The following CARNMT1 variants were observed in gnomAD, a reference collection of about 807,000 sequenced individuals.
CARNMT1 encodes the protein protein-L-histidine N-pros-methyltransferase CARNMT1.
A neutral mutation model predicts 49.6 loss-of-function variants in CARNMT1; 28 were observed. That is an observed-to-expected ratio of 0.56 (90% CI 0.42 to 0.77). The LOEUF is 0.77. Among genes scored for constraint, CARNMT1 ranks in the 30% least tolerant of loss-of-function variants. CARNMT1 has a pLI of 0.00. For synonymous variants in CARNMT1, 178 were observed against 175.0 expected, an observed-to-expected ratio of 1.02 and a Z score of -0.13; for missense variants, 421 against 512.6, an observed-to-expected ratio of 0.82 and a Z score of 1.73.
At chr9:75,017,701 G>A (rs1422263321) in intron 1 of CARNMT1, among the ~76,000 whole-genome samples, 1 of 152,118 alleles carries the variant, frequency 6.6e-6, no homozygotes, top group Admixed American at 6.6e-5. Flanking sequence ...GCACCAATTA[G>A]AAGAGGAAAA....
Position 74,981,174 on chromosome 9 carries a change from C to G in CARNMT1, c.*2593G>C, listed in dbSNP as rs1276631297. 1 of 152,136 alleles carries G rather than the reference C, an allele frequency of 6.6e-6. No individual in the cohort carries two copies. Among genetic ancestry groups the G allele is most frequent in the African/African-American group, 2.4e-5 (1 of 41,442 alleles). 9.4% of individuals were successfully genotyped at this position (152,136 alleles called of 1,614,324 possible). ...TTACATATAAATACAGTACATTTTA[C>G]AGTTACCAAACTTCATAATTTTATA... On this transcript the variant is annotated 3_prime_UTR_variant, in exon 8 of 8. Coordinates refer to ENST00000376834, the MANE Select transcript of CARNMT1 (RefSeq NM_152420.3).
Position 74,998,450 on chromosome 9 carries a change from C to T in CARNMT1, c.910+148G>A, listed in dbSNP as rs190530886. The T allele has an allele frequency of 7.7e-5, 45 of 583,258 alleles. 1 individual carries two copies. The highest frequency in any genetic ancestry group is 5.7e-4 in the African/African-American group (30 of 52,716). The allele number at this position is 583,258 out of a possible 1,614,324, so 36.1% of individuals were successfully genotyped here. On this transcript the variant is annotated intron_variant, in intron 5 of 7. Coordinates refer to ENST00000376834, the MANE Select transcript of CARNMT1 (RefSeq NM_152420.3). Reference sequence around the variant, plus strand: ...TTATTTCCTATCACTGCCTTGTACACGACCTTGAAAACATTCTAAATTGAC... The same window carrying T: ...TTATTTCCTATCACTGCCTTGTACATGACCTTGAAAACATTCTAAATTGAC...
chr9:75,025,022 G>C (rs1317013228), intron 1 of CARNMT1, among the ~76,000 whole-genome samples: 2 of 152,208 alleles, frequency 1.3e-5, no homozygotes, highest in African/African-American at 4.8e-5. Flanking sequence ...CTACTGCACT[G>C]CATTTATCAA....
Position 75,028,062 on chromosome 9 carries a change from C to A in CARNMT1, c.180G>T (p.Arg60Ser). The change falls in exon 1 of 8, where the codon AGG (arginine) becomes AGT (serine). Residue 60 changes from arginine to serine, a missense_variant. Physicochemically the swap from Arg to Ser is moderately radical, Grantham distance 110 (BLOSUM62 -1). This residue lies in a region of CARNMT1 where 186 missense variants were observed against 167.9 expected (regional missense o/e 1.11). Transcript: ENST00000376834. ...TCTTCCAGAAGTGCTCACGCTCAAG[C>A]CTCTCCTCCTCCTCCTCGGTGCTGC... Reference protein sequence around the residue: ...ATRSTEEEEERLEREHFWKII... With the variant: ...ATRSTEEEEESLEREHFWKII... 6.3e-7 allele frequency: 1 copy of A among 1,580,032 alleles called. No individual in the cohort carries two copies. Among genetic ancestry groups the A allele is most frequent in the South Asian group, 1.1e-5 (1 of 87,388 alleles).
At chr9:75,018,556 A>G (rs1005018025) in intron 1 of CARNMT1, among the ~76,000 whole-genome samples, 4 of 152,208 alleles carry the variant, frequency 2.6e-5, no homozygotes, top group African/African-American at 9.7e-5. Context: ...TTAAATTTAG[A>G]GCATTACCTA....
At chr9:75,014,395 T>C (rs551202590) in intron 3 of CARNMT1, among the ~76,000 whole-genome samples, 1 of 152,158 alleles carries the variant, frequency 6.6e-6, no homozygotes, top group Non-Finnish European at 1.5e-5. Flanking sequence ...GATAACCCTA[T>C]AGAGTTGGGA....
chr9:75,027,335 AAAAG>A, intron 1 of CARNMT1: 1 of 858,620 alleles, frequency 1.2e-6, no homozygotes, highest in African/African-American at 1.8e-5. Context: ...TTTGCAGAAA[AAAAG>A]AACGTAAAGG....
chr9:75,013,092 C>T (rs1833749659), intron 3 of CARNMT1, among the ~76,000 whole-genome samples: 1 of 152,074 alleles, frequency 6.6e-6, no homozygotes, highest in African/African-American at 2.4e-5. Context: ...TTGATATTAG[C>T]TCCAATTCTC....
chr9:74,994,292 C>A (rs1833122425), intron 6 of CARNMT1, among the ~76,000 whole-genome samples: 1 of 152,158 alleles, frequency 6.6e-6, no homozygotes, highest in Admixed American at 6.5e-5. Context: ...TTTAAGCCAC[C>A]CAATCTGTGG....
chr9:75,007,901 T>C lies in CARNMT1; in HGVS notation c.591-8031A>G, dbSNP rs571575830. Among the ~76,000 whole-genome samples the C allele has an allele frequency of 2.6e-5, 4 of 152,036 alleles. No individual in the cohort carries two copies. In the East Asian group the frequency reaches 5.8e-4, roughly 22 times the overall value. ...ATTGGAAAAGAAAAGGTAAAAACTC[T>C]CTTTTTGCATAATGTGATCCACAAA... On this transcript the variant is annotated intron_variant, in intron 3 of 7. Coordinates refer to ENST00000376834, the MANE Select transcript of CARNMT1 (RefSeq NM_152420.3).
chr9:74,985,020 A>C lies in CARNMT1; in HGVS notation c.1025-10T>G. ...TGGTACAGCAGAGGACCTATGGTTTAAAGATACTATGAATTACTTGAATAT... is the reference window on the plus strand; with the variant it reads ...TGGTACAGCAGAGGACCTATGGTTTCAAGATACTATGAATTACTTGAATAT... On this transcript the variant is annotated splice_polypyrimidine_tract_variant and intron_variant, in intron 6 of 7. Coordinates refer to ENST00000376834, the MANE Select transcript of CARNMT1 (RefSeq NM_152420.3). 1 of 1,581,910 alleles carries C rather than the reference A, an allele frequency of 6.3e-7. No homozygotes were observed. Among genetic ancestry groups the C allele is most frequent in the Non-Finnish European group, 8.7e-7 (1 of 1,150,998 alleles).
chr9:75,007,750 A>T (rs1236375796), intron 3 of CARNMT1, among the ~76,000 whole-genome samples: 2 of 150,590 alleles, frequency 1.3e-5, no homozygotes, highest in East Asian at 1.9e-4. Context: ...AATAATAAAA[A>T]AAAAAAAACT....
intron 1 of CARNMT1, among the ~76,000 whole-genome samples, chr9:75,026,546 A>G (rs1311557584): frequency 2.0e-5 from 3 of 152,136 alleles, no homozygotes; most frequent in Admixed American, 2.0e-4. Flanking sequence ...ATCAAATTCA[A>G]TTCTCTGATG....
chr9:75,011,322 TA>T (rs1032969969), intron 3 of CARNMT1, among the ~76,000 whole-genome samples: 2 of 152,162 alleles, frequency 1.3e-5, no homozygotes, highest in Admixed American at 6.5e-5. Context: ...GTCTTGTTTC[TA>T]CCCAACAGAA....
chr9:75,024,882 G>GGT, intron 1 of CARNMT1, among the ~76,000 whole-genome samples: 2 of 152,064 alleles, frequency 1.3e-5, no homozygotes, highest in African/African-American at 2.4e-5. Context: ...GCCTACTACT[G>GGT]ACCGAAAGCC....
chr9:75,026,833 A>T (rs1822542526), intron 1 of CARNMT1, among the ~76,000 whole-genome samples: 1 of 152,250 alleles, frequency 6.6e-6, no homozygotes, highest in South Asian at 2.1e-4. Flanking sequence ...TGGGAATGAG[A>T]AATGTATTTC....
chr9:75,025,778 C>T (rs1218902584), intron 1 of CARNMT1, among the ~76,000 whole-genome samples: 1 of 151,582 alleles, frequency 6.6e-6, no homozygotes, highest in East Asian at 1.9e-4. Flanking sequence ...TGTGTAGAAC[C>T]GGATTGTCCA....
chr9:75,027,924 G>C (rs957569898), intron 1 of CARNMT1, 88 bp downstream of exon 1: 4 of 1,374,784 alleles, frequency 2.9e-6, no homozygotes, highest in Non-Finnish European at 3.8e-6. Flanking sequence ...CGTGGCGGCG[G>C]GACGGCGAGC....
intron 3 of CARNMT1, among the ~76,000 whole-genome samples, chr9:75,007,966 T>G (rs1833566613): frequency 6.6e-6 from 1 of 151,618 alleles, no homozygotes; most frequent in Admixed American, 6.6e-5. Context: ...AAAGCAAGAT[T>G]GCAGGGTACA....
Sources: allele counts gnomAD v4.1 joint callset (sites outside exome capture counted in the v4.1 genomes callset), GRCh38; gene constraint gnomAD v4.1.1; regional missense constraint gnomAD v4.1.1; transcripts MANE v1.5; gene names NCBI Gene and HGNC (gene_info 2026-07-23, HGNC 2026-07-21).